The following DIS3L2 variants were observed in gnomAD, a reference collection of about 807,000 sequenced individuals.
The protein encoded by DIS3L2 is DIS3 like 3'-5' exoribonuclease 2.
DIS3L2 carries 34 observed loss-of-function variants against 97.5 expected under a neutral mutation model. The ratio of observed to expected loss-of-function variants is 0.35; its 90% CI spans 0.27 to 0.46. The LOEUF is 0.46. DIS3L2 is among the 20% of genes least tolerant of loss of function. The pLI, the probability that DIS3L2 is intolerant of heterozygous loss-of-function variation, is 1.00. For synonymous variants in DIS3L2, 435 were observed against 445.2 expected (o/e 0.98, Z 0.29); for missense variants, 1,038 against 1,146.0 (o/e 0.91, Z 1.36).
At chr2:232,244,072 A>G (rs1174216899) in intron 11 of DIS3L2, among the ~76,000 whole-genome samples, 1 of 152,234 alleles carries the variant, frequency 6.6e-6, no homozygotes, top group Admixed American at 6.5e-5. Context: ...CTGGAGAATA[A>G]ACAAGTCTTA....
intron 9 of DIS3L2, among the ~76,000 whole-genome samples, chr2:232,166,354 C>A (rs1690818679): frequency 6.6e-6 from 1 of 152,142 alleles, no homozygotes; most frequent in Non-Finnish European, 1.5e-5. Context: ...GCGCGCGCGC[C>A]CTGTGAAAGG....
rs1048869688 is a variant in DIS3L2, at chr2:232,037,641, T to C, written c.366+7561T>C. On this transcript the variant is annotated intron_variant, in intron 5 of 20. Transcript: ENST00000325385. The surrounding 1 kb of genome is among the most constrained non-coding windows in gnomAD (Gnocchi z 4.6). The stretch of plus-strand genomic sequence containing the variant: ...CCCAAACGTCTGCCCAGTTTTGTAC[T>C]TGAAACCCAGGGCCCTTGTGGTATA... 2.0e-5 allele frequency among the ~76,000 whole-genome samples: 3 copies of C among 152,160 alleles called. No individual in the cohort carries two copies. Among genetic ancestry groups the C allele is most frequent in the African/African-American group, 7.2e-5 (3 of 41,430 alleles).
At chr2:232,096,133 C>A (rs901122302) in intron 6 of DIS3L2, among the ~76,000 whole-genome samples, 9 of 148,358 alleles carry the variant, frequency 6.1e-5, no homozygotes, top group African/African-American at 2.2e-4. Context: ...GTCGCCCAGG[C>A]TGGAGTGCAG....
At chr2:232,299,926 A>G in intron 13 of DIS3L2, 114 bp from the exon 14 acceptor site, 2 of 1,056,496 alleles carry the variant, frequency 1.9e-6, no homozygotes, top group Admixed American at 2.1e-5. Flanking sequence ...GTTCTCCACA[A>G]CACATTGACT....
At position 232,136,812 on chromosome 2, in the gene DIS3L2, T is replaced by C. The variant is rs1285864892; in HGVS notation, c.950+93T>C. ...AACTTTTTGTGTATTTTAATTATTA[T>C]TTCTTTATTGAAGCACGGTTTCTGG... is the stretch of plus-strand genomic sequence containing the variant. On this transcript the variant is annotated intron_variant, in intron 8 of 20. Coordinates refer to ENST00000325385, the MANE Select transcript of DIS3L2 (RefSeq NM_152383.5). 4 of 1,477,424 alleles carry C rather than the reference T, an allele frequency of 2.7e-6. No homozygotes were observed. The East Asian group carries it at 9.3e-5, about 34-fold the overall frequency. The allele number at this position is 1,477,424 out of a possible 1,614,324, so 91.5% of individuals were successfully genotyped here.
At chr2:232,282,161 AAAAAAG>A (rs1271102967) in intron 13 of DIS3L2, among the ~76,000 whole-genome samples, 2 of 151,680 alleles carry the variant, frequency 1.3e-5, no homozygotes, top group Admixed American at 1.3e-4. Context: ...AAAAAAAAAA[AAAAAAG>A]GGAATTCACT....
At chr2:232,329,787 C>CCGGGGGCG in intron 14 of DIS3L2, 26 bp from the exon 15 acceptor site, 18 of 1,062,210 alleles carry the variant, frequency 1.7e-5, no homozygotes, top group South Asian at 2.1e-5. Context: ...CCCAGCGGTC[C>CCGGGGGCG]CTCCCATCCC....
At position 232,015,072 on chromosome 2, in the gene DIS3L2, G is replaced by A. The variant is rs868547326; in HGVS notation, c.52+93G>A. Reference sequence around the variant, plus strand: ...AGTGGAGGCTGTCTTTTAGGACTGAGGGCTACTATAATTCTTTTAGTGACC... The same window carrying A: ...AGTGGAGGCTGTCTTTTAGGACTGAAGGCTACTATAATTCTTTTAGTGACC... On this transcript the variant is annotated intron_variant, in intron 2 of 20. Coordinates refer to ENST00000325385, the MANE Select transcript of DIS3L2 (RefSeq NM_152383.5). The A allele has an allele frequency of 1.1e-5, 14 of 1,252,884 alleles. No homozygotes were observed. In the Middle Eastern group the frequency reaches 2.3e-3, roughly 202 times the overall value. 77.6% of individuals were successfully genotyped at this position (1,252,884 alleles called of 1,614,324 possible). A position where few individuals can be genotyped will look rare whatever the true frequency, so the allele number is the denominator to read the frequency against.
At chr2:231,968,339 G>A (rs1052774702) in intron 1 of DIS3L2, among the ~76,000 whole-genome samples, 10 of 152,186 alleles carry the variant, frequency 6.6e-5, no homozygotes, top group African/African-American at 1.9e-4. Flanking sequence ...CTCGTGATCC[G>A]CCCGCCTCGG....
At chr2:232,074,394 T>A (rs1185986523) in intron 5 of DIS3L2, among the ~76,000 whole-genome samples, 3 of 152,160 alleles carry the variant, frequency 2.0e-5, no homozygotes, top group Non-Finnish European at 4.4e-5. Context: ...CTGATTCAAG[T>A]CTTTCTCATT....
At chr2:232,105,677 A>G (rs3100593) in intron 6 of DIS3L2, among the ~76,000 whole-genome samples, 122,527 of 152,204 alleles carry the variant, frequency 0.81, 50,005 homozygotes, top group African/African-American at 0.93. Context: ...CTAGCAAGAA[A>G]CATCAGCCTT....
chr2:232,329,785 T>TGCCGGGGGGCGGCC, intron 14 of DIS3L2, 28 bp from the exon 15 acceptor site: 3 of 967,144 alleles, frequency 3.1e-6, no homozygotes, highest in Non-Finnish European at 4.4e-6. Flanking sequence ...ACCCCAGCGG[T>TGCCGGGGGGCGGCC]CCCTCCCATC....
At chr2:232,096,662 A>G (rs1301177991) in intron 6 of DIS3L2, among the ~76,000 whole-genome samples, 2 of 151,704 alleles carry the variant, frequency 1.3e-5, no homozygotes, top group African/African-American at 2.4e-5. Context: ...CCTGTGTTCA[A>G]CCTCACTAAT....
chr2:232,187,559 C>G (rs1243454053), intron 9 of DIS3L2, among the ~76,000 whole-genome samples: 3 of 152,126 alleles, frequency 2.0e-5, no homozygotes, highest in African/African-American at 7.2e-5. Flanking sequence ...TCTCCTGCCT[C>G]AGCCTCCCAA....
chr2:232,252,770 A>G (rs1449829661), intron 12 of DIS3L2, among the ~76,000 whole-genome samples: 3 of 152,052 alleles, frequency 2.0e-5, no homozygotes. Flanking sequence ...ATGTGGTGGC[A>G]TGCGCCTGTA....
chr2:231,976,832 A>T (rs188969671), intron 1 of DIS3L2, among the ~76,000 whole-genome samples: 519 of 139,760 alleles, frequency 3.7e-3, no homozygotes, highest in African/African-American at 0.013. Flanking sequence ...CAGTGGCGCG[A>T]TCTTGGCTCA....
intron 10 of DIS3L2, among the ~76,000 whole-genome samples, chr2:232,237,558 A>G (rs1437270462): frequency 6.6e-6 from 1 of 152,156 alleles, no homozygotes; most frequent in Non-Finnish European, 1.5e-5. Flanking sequence ...GAGACAGATA[A>G]CAAACACACA....
intron 13 of DIS3L2, among the ~76,000 whole-genome samples, chr2:232,267,104 G>A (rs746760237): frequency 2.0e-5 from 3 of 152,184 alleles, no homozygotes; most frequent in African/African-American, 4.8e-5. Flanking sequence ...AACTTAGACC[G>A]GAGCTGCCTA....
At chr2:232,263,916 T>C (rs1464057473) in intron 13 of DIS3L2, among the ~76,000 whole-genome samples, 3 of 152,246 alleles carry the variant, frequency 2.0e-5, no homozygotes, top group African/African-American at 4.8e-5. Flanking sequence ...AAAAAAGAGT[T>C]ATTTGTTTAC....
Sources: allele counts gnomAD v4.1 joint callset (sites outside exome capture counted in the v4.1 genomes callset), GRCh38; gene constraint gnomAD v4.1.1; non-coding constraint Gnocchi (gnomAD v3.1); transcripts MANE v1.5; gene names NCBI Gene and HGNC (gene_info 2026-07-23, HGNC 2026-07-21).